The following AGBL1 variants were observed in gnomAD, a reference collection of about 807,000 sequenced individuals.
The protein encoded by AGBL1 is cytosolic carboxypeptidase 4.
A neutral mutation model predicts 118.9 loss-of-function variants in AGBL1; 130 were observed. The observed-to-expected ratio is 1.09, with a 90% CI of 0.95 to 1.26. The LOEUF (loss-of-function observed/expected upper bound fraction) is 1.26. AGBL1 is among the 50% of genes most tolerant of loss of function. The pLI is 0.00. For synonymous variants in AGBL1, 555 were observed against 478.9 expected, an observed-to-expected ratio of 1.16 and a Z score of -2.08; for missense variants, 1,584 against 1,298.1, an observed-to-expected ratio of 1.22 and a Z score of -3.38.
At chr15:86,866,681 C>T (rs562288907) in intron 22 of AGBL1, among the ~76,000 whole-genome samples, 8 of 152,228 alleles carry the variant, frequency 5.3e-5, no homozygotes, top group Admixed American at 1.3e-4. Context: ...TGGTAAAACC[C>T]CGTCTCTACT....
chr15:86,958,986 C>A (rs1004514285), intron 23 of AGBL1, among the ~76,000 whole-genome samples: 2 of 151,954 alleles, frequency 1.3e-5, no homozygotes, highest in Admixed American at 6.6e-5. Context: ...CACTCAGAAA[C>A]AATAATATAT....
intron 18 of AGBL1, among the ~76,000 whole-genome samples, chr15:86,465,783 C>T (rs768636639): frequency 3.9e-5 from 6 of 152,158 alleles, no homozygotes; most frequent in Non-Finnish European, 8.8e-5. Context: ...AGATGTTTAT[C>T]AATGACAATG....
chr15:86,678,056 G>A (rs192504493), intron 22 of AGBL1, among the ~76,000 whole-genome samples: 1 of 152,226 alleles, frequency 6.6e-6, no homozygotes, highest in East Asian at 1.9e-4. Flanking sequence ...ATGCCTTGCA[G>A]CCCATATACA....
chr15:86,957,999 C>T (rs536753330), intron 23 of AGBL1, among the ~76,000 whole-genome samples: 4 of 151,806 alleles, frequency 2.6e-5, no homozygotes, highest in Admixed American at 2.0e-4. Flanking sequence ...GCCAGGAGTT[C>T]GAGACCAGCC....
chr15:86,477,030 CA>C (rs1242795363), intron 18 of AGBL1, among the ~76,000 whole-genome samples: 2 of 152,038 alleles, frequency 1.3e-5, no homozygotes, highest in African/African-American at 4.8e-5. Context: ...TCTTTGAAAC[CA>C]ATGAGAACAA....
At chr15:86,823,513 G>A (rs1252422791) in intron 22 of AGBL1, among the ~76,000 whole-genome samples, 2 of 152,080 alleles carry the variant, frequency 1.3e-5, no homozygotes, top group African/African-American at 2.4e-5. Flanking sequence ...AATAATCAGG[G>A]TTAGGTCTTA....
intron 22 of AGBL1, among the ~76,000 whole-genome samples, chr15:86,727,958 C>T (rs2086844936): frequency 6.6e-6 from 1 of 152,118 alleles, no homozygotes; most frequent in Admixed American, 6.5e-5. Flanking sequence ...TACTGTGTAC[C>T]CATAAGCAAA....
At chr15:86,215,264 T>TGTGTGTGTGTGTGA (rs1444877454) in intron 5 of AGBL1, among the ~76,000 whole-genome samples, 15 of 149,898 alleles carry the variant, frequency 1.0e-4, no homozygotes, top group South Asian at 2.1e-4. Context: ...TGTGTGTGTG[T>TGTGTGTGTGTGTGA]GATTTTATGC....
chr15:86,705,720 A>G (rs573096723), intron 22 of AGBL1, among the ~76,000 whole-genome samples: 6 of 152,302 alleles, frequency 3.9e-5, no homozygotes, highest in African/African-American at 1.4e-4. Flanking sequence ...CATAAGGGGC[A>G]TTGATGTGCA....
intron 22 of AGBL1, among the ~76,000 whole-genome samples, chr15:86,687,027 T>A (rs1304427933): frequency 6.6e-6 from 1 of 152,150 alleles, no homozygotes; most frequent in Non-Finnish European, 1.5e-5. Context: ...TCATCTCTGG[T>A]TTCTAACTTA....
chr15:86,857,108 A>G (rs1209920179), intron 22 of AGBL1, among the ~76,000 whole-genome samples: 1 of 152,146 alleles, frequency 6.6e-6, no homozygotes, highest in Non-Finnish European at 1.5e-5. Context: ...CAATTTCTGT[A>G]CGTTTTATGT....
At position 86,798,570 on chromosome 15, in the gene AGBL1, A is replaced by T. The variant is rs533829856; in HGVS notation, c.3159-108517A>T. Among the ~76,000 whole-genome samples the T allele has an allele frequency of 4.3e-4, 66 of 152,036 alleles. 1 individual carries two copies. In the Middle Eastern group the frequency reaches 0.037, roughly 86 times the overall value. ...ATTCTATAATAGCAATGAACTAGAC[A>T]CTTTACCTGGCATAATTTATTTAGT... On this transcript the variant is annotated intron_variant, in intron 22 of 22. Transcript: ENST00000614907.
intron 21 of AGBL1, among the ~76,000 whole-genome samples, chr15:86,588,707 C>T (rs2084290697): frequency 6.6e-6 from 1 of 152,120 alleles, no homozygotes; most frequent in Admixed American, 6.6e-5. Context: ...CTGTTTGCAG[C>T]ATGACTAAGC....
In AGBL1 at chr15:86,279,745, C is replaced by T. The variant is rs1422942589; in HGVS notation, c.2182C>T (p.Leu728=). 6.2e-7 allele frequency: 1 copy of T among 1,613,726 alleles called. No individual in the cohort carries two copies. The highest frequency in any genetic ancestry group is 1.7e-5 in the Admixed American group (1 of 60,000). The change falls in exon 16 of 23, where the codon CTG becomes TTG. Residue 728 remains leucine, a synonymous_variant. Transcript: ENST00000614907. The stretch of plus-strand genomic sequence containing the variant: ...CCCACACAGTGAGGATGTCTGCTAC[C>T]TGGCCTACCACTATCCCTATACCTA... ...TFPHSEDVCY[L]AYHYPYTYTA...
chr15:86,316,094 T>C (rs1271747999), intron 17 of AGBL1, among the ~76,000 whole-genome samples: 2 of 152,322 alleles, frequency 1.3e-5, no homozygotes, highest in Admixed American at 1.3e-4. Flanking sequence ...AATTTCCTTC[T>C]ATCCCTCACC....
At position 86,137,679 on chromosome 15, in the gene AGBL1, G is replaced by T. The variant is rs573545236; in HGVS notation, c.52-4325G>T. 6.6e-5 allele frequency among the ~76,000 whole-genome samples: 10 copies of T among 151,762 alleles called. No individual in the cohort carries two copies. The South Asian group carries it at 1.5e-3, about 22-fold the overall frequency. On this transcript the variant is annotated intron_variant, in intron 1 of 22. Transcript: ENST00000614907. ...CTCAGGTTTTCTATTTCTGATCTGG[G>T]TTCATATCCTCCTCTAAACCAACCA... is the stretch of plus-strand genomic sequence containing the variant.
chr15:86,526,546 A>G (rs62015274), intron 19 of AGBL1, among the ~76,000 whole-genome samples: 2,565 of 58,104 alleles, frequency 0.044, 33 homozygotes, highest in African/African-American at 0.052. Flanking sequence ...GTGTCTGTGT[A>G]TATATATATA....
intron 22 of AGBL1, among the ~76,000 whole-genome samples, chr15:86,757,487 C>A (rs1046936535): frequency 2.6e-5 from 4 of 152,026 alleles, no homozygotes; most frequent in Non-Finnish European, 5.9e-5. Flanking sequence ...TTCTTTTGAT[C>A]TTCTCAATGG....
intron 22 of AGBL1, among the ~76,000 whole-genome samples, chr15:86,717,631 A>G (rs2142709357): frequency 6.6e-6 from 1 of 152,322 alleles, no homozygotes; most frequent in African/African-American, 2.4e-5. Context: ...AGCCAAGTAG[A>G]AAAGCAAAGG....
Sources: gnomAD v4.1 joint callset for allele counts (sites outside exome capture counted in the v4.1 genomes callset) on GRCh38, gnomAD v4.1.1 for gene constraint, MANE v1.5 for transcripts, NCBI Gene and HGNC (gene_info 2026-07-23, HGNC 2026-07-21) for gene names.